The following ANXA10 variants were observed in gnomAD, a reference collection of about 807,000 sequenced individuals.
ANXA10 encodes annexin A10, also known as annexin 14.
In ANXA10, 49 loss-of-function variants were observed where a neutral mutation model predicts 53.5. That is an observed-to-expected ratio of 0.92 (90% CI 0.73 to 1.16). ANXA10 has a LOEUF of 1.16. Among genes scored for constraint, ANXA10 ranks in the 50% most tolerant of loss-of-function variants. The pLI is 0.00. For synonymous variants in ANXA10, 131 were observed against 128.9 expected (o/e 1.02, Z -0.11); for missense variants, 393 against 394.4 (o/e 1.00, Z 0.03).
intron 2 of ANXA10, among the ~76,000 whole-genome samples, chr4:168,137,760 C>A (rs1263182064): frequency 6.6e-6 from 1 of 152,040 alleles, no homozygotes; most frequent in Non-Finnish European, 1.5e-5. Flanking sequence ...ATGCAAATAT[C>A]TTTTTTATAT....
intron 1 of ANXA10, among the ~76,000 whole-genome samples, chr4:168,117,902 T>TACTC (rs747092943): frequency 0.014 from 2,087 of 149,280 alleles, 37 homozygotes; most frequent in African/African-American, 0.04. Flanking sequence ...ACTCATACAA[T>TACTC]ACTCACTCAC....
intron 3 of ANXA10, among the ~76,000 whole-genome samples, chr4:168,140,505 T>C (rs1040745156): frequency 6.6e-6 from 1 of 152,234 alleles, no homozygotes; most frequent in Non-Finnish European, 1.5e-5. Flanking sequence ...CCTCAGCCTA[T>C]GTTCCACCTA....
At chr4:168,109,982 G>A (rs1247722912) in intron 1 of ANXA10, among the ~76,000 whole-genome samples, 2 of 152,170 alleles carry the variant, frequency 1.3e-5, no homozygotes, top group East Asian at 1.9e-4. Context: ...AGGCCGAGAC[G>A]GGCAGATCAC....
chr4:168,103,103 C>T (rs1296869163), intron 1 of ANXA10, among the ~76,000 whole-genome samples: 1 of 151,938 alleles, frequency 6.6e-6, no homozygotes, highest in Non-Finnish European at 1.5e-5. Flanking sequence ...CACACCTTTC[C>T]TTTCTTTCTG....
chr4:168,133,073 A>G (rs1289682800), intron 2 of ANXA10, among the ~76,000 whole-genome samples: 2 of 152,230 alleles, frequency 1.3e-5, no homozygotes, highest in East Asian at 3.9e-4. Flanking sequence ...CATGCTGTAA[A>G]TAAGTCCTTT....
chr4:168,174,043 C>A (rs1394118318), intron 6 of ANXA10, among the ~76,000 whole-genome samples: 1 of 152,128 alleles, frequency 6.6e-6, no homozygotes. Context: ...TTGGGTCTCC[C>A]TCTTTGCTGA....
rs140262326 is a variant in ANXA10 at position 168,094,804 on chromosome 4, A to C, written c.18+2086A>C. Among the ~76,000 whole-genome samples, 1,023 of 152,226 alleles carry C rather than the reference A, an allele frequency of 6.7e-3. 15 individuals carry two copies. The highest frequency in any genetic ancestry group is 0.024 in the African/African-American group (988 of 41,556). ...GGTTACATTTCTGTAGGAGATAAAC[A>C]TACATAATATGTTAAAATTATTTTC... On this transcript the variant is annotated intron_variant, in intron 1 of 11. Transcript: ENST00000359299.
At chr4:168,155,538 A>G (rs1445904123) in intron 3 of ANXA10, among the ~76,000 whole-genome samples, 1 of 47,430 alleles carries the variant, frequency 2.1e-5, no homozygotes, top group African/African-American at 1.1e-4. Flanking sequence ...ATATATAATT[A>G]TATATTATAA....
At chr4:168,164,646 G>T (rs191244303) in intron 5 of ANXA10, among the ~76,000 whole-genome samples, 2 of 152,254 alleles carry the variant, frequency 1.3e-5, no homozygotes, top group Admixed American at 1.3e-4. Flanking sequence ...ATGGCTCAGT[G>T]AATTCTACAA....
At chr4:168,180,783 T>C (rs896000574) in intron 9 of ANXA10, among the ~76,000 whole-genome samples, 7 of 152,224 alleles carry the variant, frequency 4.6e-5, no homozygotes, top group Admixed American at 4.6e-4. Context: ...TACCTATTCA[T>C]GTATTAATTT....
chr4:168,149,638 G>T (rs1017112795), intron 3 of ANXA10, among the ~76,000 whole-genome samples: 6 of 152,078 alleles, frequency 3.9e-5, no homozygotes, highest in Admixed American at 1.3e-4. Context: ...GATTGGTTTT[G>T]CATTTGCTTC....
chr4:168,096,425 G>C (rs1375572944), intron 1 of ANXA10, among the ~76,000 whole-genome samples: 2 of 152,130 alleles, frequency 1.3e-5, no homozygotes, highest in Non-Finnish European at 2.9e-5. Flanking sequence ...TGAAACTTCT[G>C]TAGAACTAAT....
At chr4:168,137,424 C>A (rs1349533320) in intron 2 of ANXA10, among the ~76,000 whole-genome samples, 1 of 152,066 alleles carries the variant, frequency 6.6e-6, no homozygotes, top group African/African-American at 2.4e-5. Context: ...AACCCTTGCC[C>A]CTCTTCCACC....
intron 11 of ANXA10, among the ~76,000 whole-genome samples, 176 bp from the exon 12 acceptor site, chr4:168,187,190 C>T (rs947877279): frequency 2.6e-5 from 4 of 152,118 alleles, no homozygotes; most frequent in African/African-American, 9.7e-5. Flanking sequence ...TATTCTTCAA[C>T]AACTTTCATT....
At chr4:168,100,306 A>G (rs1006985059) in intron 1 of ANXA10, among the ~76,000 whole-genome samples, 1 of 152,158 alleles carries the variant, frequency 6.6e-6, no homozygotes, top group African/African-American at 2.4e-5. Context: ...TTGATTTACA[A>G]GAACATTCTT....
chr4:168,127,822 T>TTG (rs1474597476), intron 1 of ANXA10: 2 of 254,778 alleles, frequency 7.8e-6, no homozygotes, highest in Non-Finnish European at 1.4e-5. Context: ...GAAACCTTTT[T>TTG]TTTTTTTTTT....
intron 3 of ANXA10, among the ~76,000 whole-genome samples, chr4:168,161,299 C>A (rs554207337): frequency 6.6e-6 from 1 of 152,270 alleles, no homozygotes; most frequent in Admixed American, 6.5e-5. Context: ...TCTCCCAGCA[C>A]CATTTATTAA....
At chr4:168,122,745 A>T (rs1434397881) in intron 1 of ANXA10, among the ~76,000 whole-genome samples, 1 of 152,148 alleles carries the variant, frequency 6.6e-6, no homozygotes, top group Non-Finnish European at 1.5e-5. Flanking sequence ...TTAAACTACT[A>T]AATCTCGTGA....
chr4:168,183,607 G>A lies in ANXA10; in HGVS notation c.784-952G>A, dbSNP rs186651843. ...GTTATAAGGCAATAGGAAGATATGC[G>A]TATTCACAAATGGTTTGTAGGTACG... On this transcript the variant is annotated intron_variant, in intron 10 of 11. Coordinates refer to ENST00000359299, the MANE Select transcript of ANXA10 (RefSeq NM_007193.5). Among the ~76,000 whole-genome samples the A allele has an allele frequency of 1.1e-3, 165 of 152,254 alleles. 1 individual carries two copies. The highest frequency in any genetic ancestry group is 2.2e-3 in the Admixed American group (34 of 15,292).
Sources: allele counts gnomAD v4.1 joint callset (sites outside exome capture counted in the v4.1 genomes callset), GRCh38; gene constraint gnomAD v4.1.1; transcripts MANE v1.5; gene names NCBI Gene and HGNC (gene_info 2026-07-23, HGNC 2026-07-21).